The following HDAC4 variants were observed in gnomAD, a reference collection of about 807,000 sequenced individuals.
The protein encoded by HDAC4 is histone deacetylase A.
HDAC4 carries 16 observed loss-of-function variants against 135.1 expected under a neutral mutation model. The ratio of observed to expected loss-of-function variants is 0.12; its 90% CI spans 0.08 to 0.18. HDAC4 has a LOEUF of 0.18. HDAC4 is among the 10% of genes least tolerant of loss of function. The probability of loss-of-function intolerance (pLI) is 1.00; values close to 1 mark genes in which losing one functional copy is unlikely to be tolerated. For missense variants in HDAC4, 1,143 were observed against 1,511.8 expected (o/e 0.76, Z 4.05); for synonymous variants, 685 against 653.4 (o/e 1.05, Z -0.74).
chr2:239,373,971 C>A (rs1694814014), intron 1 of HDAC4, among the ~76,000 whole-genome samples: 1 of 152,128 alleles, frequency 6.6e-6, no homozygotes, highest in African/African-American at 2.4e-5. Context: ...TAGATATGAA[C>A]AATTGACCAG....
chr2:239,377,938 C>T (rs772561088), intron 1 of HDAC4, among the ~76,000 whole-genome samples: 5 of 152,098 alleles, frequency 3.3e-5, no homozygotes, highest in African/African-American at 4.8e-5. Context: ...ACCTCAAGGA[C>T]CTCTAATTTT....
chr2:239,119,464 C>T (rs1449273047), intron 12 of HDAC4, among the ~76,000 whole-genome samples: 2 of 152,060 alleles, frequency 1.3e-5, no homozygotes, highest in African/African-American at 4.8e-5. Context: ...GGGACAGGAG[C>T]TCAGGGCTAA....
In HDAC4 at chr2:239,308,806, C is replaced by T. The variant is rs1222315934; in HGVS notation, c.22+43872G>A. ...GCCTGTACCTGTAGCAGGAGGCTCA[C>T]GTTCCGAGTCCTCATTGCTCCCAGA... On this transcript the variant is annotated intron_variant, in intron 2 of 26. Coordinates refer to ENST00000543185, the MANE Select transcript of HDAC4 (RefSeq NM_001378414.1). This position sits in a 1 kb window ranked among gnomAD's most constrained non-coding sequence, Gnocchi z 4.2. Among the ~76,000 whole-genome samples the T allele has an allele frequency of 2.6e-5, 4 of 152,110 alleles. No individual in the cohort carries two copies. The highest frequency in any genetic ancestry group is 4.4e-5 in the Non-Finnish European group (3 of 68,022).
At chr2:239,288,889 G>A (rs1378479808) in intron 2 of HDAC4, among the ~76,000 whole-genome samples, 1 of 152,230 alleles carries the variant, frequency 6.6e-6, no homozygotes, top group Non-Finnish European at 1.5e-5. Context: ...TAGAGTCAAT[G>A]CAATTCCAAT....
chr2:239,208,918 T>C (rs1411830841), intron 3 of HDAC4, among the ~76,000 whole-genome samples: 3 of 152,232 alleles, frequency 2.0e-5, no homozygotes, highest in East Asian at 3.8e-4. Context: ...GTTCTCACTC[T>C]GTCACCCAGG....
chr2:239,296,037 G>A (rs2051867529), intron 2 of HDAC4, among the ~76,000 whole-genome samples: 1 of 152,224 alleles, frequency 6.6e-6, no homozygotes, highest in Non-Finnish European at 1.5e-5. Flanking sequence ...AGCTGAGGAT[G>A]CTATCACGCC....
intron 3 of HDAC4, among the ~76,000 whole-genome samples, chr2:239,193,351 T>C (rs140588639): frequency 1.1e-4 from 16 of 152,364 alleles, no homozygotes; most frequent in African/African-American, 3.8e-4. Context: ...GGGATTTTTT[T>C]TATTAACTTC....
chr2:239,330,061 AGAGGCTGTGCCTG>A, intron 2 of HDAC4, among the ~76,000 whole-genome samples: 1 of 152,370 alleles, frequency 6.6e-6, no homozygotes, highest in South Asian at 2.1e-4. Flanking sequence ...CTGCTGCTGC[AGAGGCTGTGCCTG>A]TCTCACTGAG....
At chr2:239,323,837 A>T (rs1373501435) in intron 2 of HDAC4, among the ~76,000 whole-genome samples, 2 of 152,228 alleles carry the variant, frequency 1.3e-5, no homozygotes, top group African/African-American at 4.8e-5. Flanking sequence ...TCAAGCAGGC[A>T]GAAGCGCCAC....
Position 239,114,934 on chromosome 2 carries a change from T to C in HDAC4, c.1791+119A>G, listed in dbSNP as rs781026216. The C allele has an allele frequency of 6.8e-4, 835 of 1,233,426 alleles. 3 individuals are homozygous for C. The highest frequency in any genetic ancestry group is 8.5e-4 in the Non-Finnish European group (753 of 880,996). 76.4% of individuals were successfully genotyped at this position (1,233,426 alleles called of 1,614,324 possible). Reference sequence around the variant, plus strand: ...GGCCAGGACAAGACAGGTGAGACACTGGACAGTGACCGCGCAAGGATGCCC... The same window carrying C: ...GGCCAGGACAAGACAGGTGAGACACCGGACAGTGACCGCGCAAGGATGCCC... On this transcript the variant is annotated intron_variant, in intron 13 of 26. Coordinates refer to ENST00000543185, the MANE Select transcript of HDAC4 (RefSeq NM_001378414.1).
chr2:239,133,122 G>A (rs10187175), intron 11 of HDAC4, among the ~76,000 whole-genome samples: 3 of 152,078 alleles, frequency 2.0e-5, no homozygotes, highest in Non-Finnish European at 2.9e-5. Flanking sequence ...CAAAGATTGC[G>A]CCATTTGGCT....
intron 12 of HDAC4, among the ~76,000 whole-genome samples, chr2:239,125,959 C>T (rs995325035): frequency 4.6e-5 from 7 of 152,278 alleles, no homozygotes; most frequent in South Asian, 4.1e-4. Flanking sequence ...ACCCTGTACG[C>T]TGCTCATGCA....
intron 2 of HDAC4, among the ~76,000 whole-genome samples, chr2:239,317,315 G>A (rs1182678607): frequency 5.2e-5 from 5 of 96,402 alleles, no homozygotes; most frequent in African/African-American, 2.0e-4. Flanking sequence ...GGGTGGGGCC[G>A]GCGTGTGTGG....
At position 239,357,984 on chromosome 2, in the gene HDAC4, T is replaced by A. The variant is rs549969443; in HGVS notation, c.-219-5066A>T. Among the ~76,000 whole-genome samples, 4 of 151,472 alleles carry A rather than the reference T, an allele frequency of 2.6e-5. No individual in the cohort carries two copies. In the South Asian group the frequency reaches 8.4e-4, roughly 32 times the overall value. On this transcript the variant is annotated intron_variant, in intron 1 of 26. Coordinates refer to ENST00000543185, the MANE Select transcript of HDAC4 (RefSeq NM_001378414.1). ...ACAATGGGGAATATTATGAAAAACTTTATGCCAATAAATTTGACAACTTAG... is the reference window on the plus strand; with the variant it reads ...ACAATGGGGAATATTATGAAAAACTATATGCCAATAAATTTGACAACTTAG...
intron 2 of HDAC4, among the ~76,000 whole-genome samples, chr2:239,276,510 GCTGTTC>G (rs1344103316): frequency 6.6e-6 from 1 of 152,232 alleles, no homozygotes; most frequent in East Asian, 1.9e-4. Flanking sequence ...GGTCATCAGT[GCTGTTC>G]CTGAAACGGC....
chr2:239,385,452 C>T (rs1369524026), intron 1 of HDAC4, among the ~76,000 whole-genome samples: 2 of 152,244 alleles, frequency 1.3e-5, no homozygotes, highest in East Asian at 1.9e-4. Flanking sequence ...TGCCTCCACC[C>T]GGCTCCCTGT....
rs763995584 is a variant in HDAC4, at chr2:239,053,020, C to G, written c.*77G>C. The G allele has an allele frequency of 6.4e-7, 1 of 1,554,542 alleles. No individual in the cohort carries two copies. The highest frequency in any genetic ancestry group is 1.4e-5 in the African/African-American group (1 of 73,748). On this transcript the variant is annotated 3_prime_UTR_variant, in exon 27 of 27. Coordinates refer to ENST00000543185, the MANE Select transcript of HDAC4 (RefSeq NM_001378414.1). ...AGAGAGCCCCACGGTGGGACGCAGGCGTGACACGGGAAAGTTTCTTGGCTG... is the reference window on the plus strand; with the variant it reads ...AGAGAGCCCCACGGTGGGACGCAGGGGTGACACGGGAAAGTTTCTTGGCTG...
intron 1 of HDAC4, among the ~76,000 whole-genome samples, chr2:239,358,000 G>T (rs1693620258): frequency 1.3e-5 from 2 of 149,742 alleles, no homozygotes; most frequent in Non-Finnish European, 3.0e-5. Flanking sequence ...CAATAAATTT[G>T]ACAACTTAGA....
At chr2:239,119,717 C>T (rs963135995) in intron 12 of HDAC4, among the ~76,000 whole-genome samples, 4 of 152,172 alleles carry the variant, frequency 2.6e-5, no homozygotes, top group Admixed American at 2.0e-4. Context: ...CCTCAGAGGG[C>T]TCCTCACAAT....
Sources: gnomAD v4.1 joint callset for allele counts (sites outside exome capture counted in the v4.1 genomes callset) on GRCh38, gnomAD v4.1.1 for gene constraint, Gnocchi (gnomAD v3.1) non-coding constraint, MANE v1.5 for transcripts, NCBI Gene and HGNC (gene_info 2026-07-23, HGNC 2026-07-21) for gene names.